CEACAM21: variants seen among roughly 807,000 people sequenced by gnomAD.
The protein encoded by CEACAM21 is cell adhesion molecule CEACAM21.
Under a neutral mutation model 33.2 loss-of-function variants are expected in CEACAM21, and 38 were observed. The ratio of observed to expected loss-of-function variants is 1.14; its 90% confidence interval spans 0.88 to 1.50. CEACAM21 has a LOEUF of 1.50. Among genes scored for constraint, CEACAM21 ranks in the 40% most tolerant of loss-of-function variants. The pLI is 0.00. For synonymous variants in CEACAM21, 156 were observed against 143.0 expected, an observed-to-expected ratio of 1.09 and a Z score of -0.65; for missense variants, 385 against 364.6, an observed-to-expected ratio of 1.06 and a Z score of -0.46.
intron 1 of CEACAM21, among the ~76,000 whole-genome samples, chr19:41,556,671 T>TG (rs1487611536): frequency 6.6e-6 from 1 of 152,138 alleles, no homozygotes; most frequent in African/African-American, 2.4e-5. Flanking sequence ...CCAAAGGCGC[T>TG]GGGGCCCTGA....
intron 1 of CEACAM21, chr19:41,555,075 C>A (rs1282092432): frequency 6.6e-6 from 1 of 152,032 alleles, no homozygotes; most frequent in Non-Finnish European, 1.5e-5. Context: ...AAGCTCAGAA[C>A]CCTGCCCTGT....
chr19:41,553,123 T>C lies in CEACAM21; in HGVS notation c.-779+3571T>C, dbSNP rs183463462. ...ATAACTTCCCTCTCTCCAGTTACCC[T>C]TTTTTGTTGTTGTTGTTGAGATGGA... On this transcript the variant is annotated intron_variant, in intron 1 of 7. Transcript: ENST00000407170. Among the ~76,000 whole-genome samples, 710 of 152,126 alleles carry C rather than the reference T, an allele frequency of 4.7e-3. 3 individuals are homozygous for C. Among genetic ancestry groups the C allele is most frequent in the African/African-American group, 0.016 (649 of 41,534 alleles).
chr19:41,552,000 G>A (rs1017369940), intron 1 of CEACAM21: 2 of 152,180 alleles, frequency 1.3e-5, no homozygotes, highest in African/African-American at 4.8e-5. Context: ...GAGGAAGAGA[G>A]TTTTTTATTT....
Position 41,577,199 on chromosome 19 carries a change from G to C in CEACAM21, c.65-1G>C. 1.2e-6 allele frequency: 2 copies of C among 1,613,848 alleles called. No individual in the cohort carries two copies. The highest frequency in any genetic ancestry group is 2.2e-5 in the East Asian group (1 of 44,886). On this transcript the variant is annotated splice_acceptor_variant, in intron 1 of 6. Coordinates refer to ENST00000401445, the MANE Select transcript of CEACAM21 (RefSeq NM_001098506.4). LOFTEE classifies it high-confidence loss of function. The stretch of plus-strand genomic sequence containing the variant: ...TGACTGATATTCTCTCCCTTTCCTA[G>C]CCTCACTTTTAACTTTCTGGAACGC...
At chr19:41,555,471 A>G (rs901900524) in intron 1 of CEACAM21, 3 of 151,882 alleles carry the variant, frequency 2.0e-5, no homozygotes, top group African/African-American at 7.3e-5. Flanking sequence ...TCCTTTTCTA[A>G]CTGGACCTCT....
At chr19:41,580,262 C>A (rs1265284601) in intron 3 of CEACAM21, among the ~76,000 whole-genome samples, 1 of 152,126 alleles carries the variant, frequency 6.6e-6, no homozygotes, top group East Asian at 1.9e-4. Flanking sequence ...TGCTCTCACT[C>A]CACAATAACA....
chr19:41,579,660 C>T, intron 3 of CEACAM21, 32 bp downstream of exon 3: 1 of 1,421,498 alleles, frequency 7.0e-7, no homozygotes, highest in Non-Finnish European at 9.5e-7. Flanking sequence ...TCACTCCTTT[C>T]CTTGTATATT....
intron 1 of CEACAM21, among the ~76,000 whole-genome samples, chr19:41,557,545 C>G (rs933056920): frequency 2.0e-5 from 3 of 152,128 alleles, no homozygotes; most frequent in African/African-American, 7.2e-5. Context: ...CAATCGACAG[C>G]TTTTAGGAGT....
At position 41,585,433 on chromosome 19, in the gene CEACAM21, C is replaced by A. The variant is rs2070658987; in HGVS notation, c.798-10C>A. 1.2e-6 allele frequency: 2 copies of A among 1,613,830 alleles called. No homozygotes were observed. The highest frequency in any genetic ancestry group is 1.7e-6 in the Non-Finnish European group (2 of 1,179,786). ...CTTGCACCTTCACAAATAACCCTGA[C>A]CTTTCCTAGGGCCAGCGATCAGAGT... is the stretch of plus-strand genomic sequence containing the variant. On this transcript the variant is annotated splice_polypyrimidine_tract_variant and intron_variant, in intron 4 of 6. Transcript: ENST00000401445.
intron 1 of CEACAM21, among the ~76,000 whole-genome samples, chr19:41,559,382 T>G (rs994524958): frequency 2.0e-5 from 3 of 152,206 alleles, no homozygotes; most frequent in Admixed American, 6.5e-5. Context: ...AAATGAAGAC[T>G]TTATGTAAAA....
Position 41,577,239 on chromosome 19 carries a change from G to A in CEACAM21, c.104G>A (p.Trp35Ter), listed in dbSNP as rs782776073. ...TTCTGGAACGCACCCACCACTGCCT[G>A]GCTCTTTATTGCATCAGCGCCCTTT... ...LTFWNAPTTAWLFIASAPFEV... is the reference protein window; with the variant it reads ...LTFWNAPTTA The change falls in exon 2 of 7, where the codon TGG becomes TAG. Residue 35 changes from tryptophan to a stop codon, truncating the protein, a stop_gained. Transcript: ENST00000401445. LOFTEE classifies it high-confidence loss of function. 13 of 1,614,056 alleles carry A rather than the reference G, an allele frequency of 8.1e-6. No individual in the cohort carries two copies. The highest frequency in any genetic ancestry group is 7.7e-5 in the South Asian group (7 of 91,064).
At chr19:41,573,468 T>A (rs1555790042), upstream of CEACAM21, among the ~76,000 whole-genome samples, 1 of 152,190 alleles carries the variant, frequency 6.6e-6, no homozygotes, top group Non-Finnish European at 1.5e-5. Flanking sequence ...CCAGGGTCAC[T>A]GCCTTGCTAA....
chr19:41,553,149 G>A, intron 1 of CEACAM21, among the ~76,000 whole-genome samples: 1 of 151,992 alleles, frequency 6.6e-6, no homozygotes, highest in East Asian at 1.9e-4. Context: ...TTGAGATGGA[G>A]TCTTGCTCTG....
At chr19:41,582,147 C>T (rs1485771045) in intron 3 of CEACAM21, among the ~76,000 whole-genome samples, 1 of 152,246 alleles carries the variant, frequency 6.6e-6, no homozygotes, top group Admixed American at 6.5e-5. Context: ...AGGCCCCATG[C>T]AAGCCCAAAA....
At position 41,585,593 on chromosome 19, in the gene CEACAM21, C is replaced by T. The variant is rs997333627; in HGVS notation, c.850+98C>T. On this transcript the variant is annotated intron_variant, in intron 5 of 6. Coordinates refer to ENST00000401445, the MANE Select transcript of CEACAM21 (RefSeq NM_001098506.4). The stretch of plus-strand genomic sequence containing the variant: ...ACACCCAGGGGCCTCTGACCCTATC[C>T]CTGGGGCTGCAAAGAGGATCCCATA... The T allele has an allele frequency of 6.7e-6, 9 of 1,343,462 alleles. No individual in the cohort carries two copies. The Admixed American group carries it at 1.4e-4, about 22-fold the overall frequency. The allele number at this position is 1,343,462 out of a possible 1,614,324, so 83.2% of individuals were successfully genotyped here. A position where few individuals can be genotyped will look rare whatever the true frequency, so the allele number is the denominator to read the frequency against.
chr19:41,550,546 G>A (rs1243692899), intron 1 of CEACAM21: 6 of 152,220 alleles, frequency 3.9e-5, no homozygotes, highest in Non-Finnish European at 7.3e-5. Context: ...TGAGATGGGC[G>A]GATGACCCGA....
rs78133615 is a variant in CEACAM21 at position 41,577,468 on chromosome 19, C to G, written c.333C>G (p.Asn111Lys). The G allele has an allele frequency of 0.041, 66,302 of 1,613,706 alleles. 5,147 individuals are homozygous for G. The highest frequency in any genetic ancestry group is 0.4 in the East Asian group (18,163 of 44,852). ...CCAGTGGAGATCTGCATTTCCAGAACGTCACCCTAGAGGACACGGGATACT... is the reference window on the plus strand; with the variant it reads ...CCAGTGGAGATCTGCATTTCCAGAAGGTCACCCTAGAGGACACGGGATACT... ...ISPSGDLHFQ[N>K]VTLEDTGYYN... The change falls in exon 2 of 7, where the codon AAC becomes AAG. Residue 111 changes from asparagine to lysine, a missense_variant. Asn to Lys is a moderately conservative substitution (Grantham distance 94). Coordinates refer to ENST00000401445, the MANE Select transcript of CEACAM21 (RefSeq NM_001098506.4).
At chr19:41,578,298 G>A (rs1341124635) in intron 2 of CEACAM21, among the ~76,000 whole-genome samples, 1 of 136,224 alleles carries the variant, frequency 7.3e-6, no homozygotes, top group Non-Finnish European at 1.5e-5. Context: ...CAGGCCCAGA[G>A]AACTCTTTTT....
In CEACAM21 at chr19:41,577,189, C is replaced by G; in HGVS notation, c.65-11C>G. The G allele has an allele frequency of 4.3e-6, 7 of 1,613,698 alleles. No individual in the cohort carries two copies. Among genetic ancestry groups the G allele is most frequent in the Non-Finnish European group, 5.9e-6 (7 of 1,179,964 alleles). On this transcript the variant is annotated splice_polypyrimidine_tract_variant and intron_variant, in intron 1 of 6. Transcript: ENST00000401445. ...GGTCAAATATTGACTGATATTCTCT[C>G]CCTTTCCTAGCCTCACTTTTAACTT... is the stretch of plus-strand genomic sequence containing the variant.
Sources: allele counts gnomAD v4.1 joint callset (sites outside exome capture counted in the v4.1 genomes callset), GRCh38; gene constraint gnomAD v4.1.1; transcripts MANE v1.5; gene names NCBI Gene and HGNC (gene_info 2026-07-23, HGNC 2026-07-21).